The following SIGLEC10 variants were observed in gnomAD, a reference collection of about 807,000 sequenced individuals.
SIGLEC10 encodes sialic acid-binding Ig-like lectin 10.
In SIGLEC10, 45 loss-of-function variants were observed where a neutral mutation model predicts 68.3. The observed-to-expected ratio is 0.66, with a 90% CI of 0.52 to 0.84. SIGLEC10 has a LOEUF of 0.84. SIGLEC10 is among the 40% of genes least tolerant of loss of function. The pLI, the probability that SIGLEC10 is intolerant of heterozygous loss-of-function variation, is 0.00. For synonymous variants in SIGLEC10, 379 were observed against 370.8 expected (o/e 1.02, Z -0.26); for missense variants, 789 against 883.1 (o/e 0.89, Z 1.35).
intron 10 of SIGLEC10, 21 bp from the exon 11 acceptor site, chr19:51,411,392 CTTCA>C (rs765857372): frequency 1.2e-6 from 2 of 1,611,452 alleles, no homozygotes; most frequent in Non-Finnish European, 1.7e-6. Flanking sequence ...AACCACCATC[CTTCA>C]TTCATTCATT....
intron 6 of SIGLEC10, 31 bp from the exon 7 acceptor site, chr19:51,415,469 A>G (rs764097044): frequency 1.7e-5 from 27 of 1,610,050 alleles, no homozygotes; most frequent in African/African-American, 2.7e-5. Context: ...ATCGATGAGC[A>G]GCTCAGGGCT....
rs564869294 is a variant in SIGLEC10, at chr19:51,414,971, C to G, written c.1468G>C (p.Asp490His). ...EELLEGNSSQ[D>H]SFEVTPSSAG... ...GAGCTGGGGGTGACCTCGAAGGAGT[C>G]CTGGCTGCTGTTCCCCTCCAGCAGC... Residue 490 changes from aspartate to histidine, a missense_variant, in exon 8 of 11, where the codon GAC becomes CAC. Asp to His is a moderately conservative substitution (Grantham distance 81, BLOSUM62 -1). Transcript: ENST00000339313. This position sits in a 1 kb window ranked among gnomAD's most constrained non-coding sequence, Gnocchi z 4.1. The G allele has an allele frequency of 5.3e-5, 86 of 1,613,618 alleles. 1 individual carries two copies. The highest frequency in any genetic ancestry group is 5.2e-4 in the Middle Eastern group (3 of 5,766).
chr19:51,415,086 G>A lies in SIGLEC10; in HGVS notation c.1353C>T (p.Pro451=), dbSNP rs778120949. ...SVHYSPKLLG[P]SCSWEAEGLH... ...GACCCTCAGCCTCCCAGGAGCAGGA[G>A]GGGCCCAGCAGCTTCGGGGAGTCTG... The change falls in exon 8 of 11, where the codon CCC becomes CCT. Residue 451 remains proline, a synonymous_variant. Coordinates refer to ENST00000339313, the MANE Select transcript of SIGLEC10 (RefSeq NM_033130.5). 3 of 1,580,014 alleles carry A rather than the reference G, an allele frequency of 1.9e-6. No individual in the cohort carries two copies. The South Asian group carries it at 3.5e-5, about 18-fold the overall frequency.
In SIGLEC10 at chr19:51,416,039, G is replaced by T. The variant is rs763329502; in HGVS notation, c.883C>A (p.Leu295Ile). The T allele has an allele frequency of 1.9e-6, 3 of 1,613,202 alleles. No homozygotes were observed. Among genetic ancestry groups the T allele is most frequent in the Non-Finnish European group, 2.5e-6 (3 of 1,179,916 alleles). The change falls in exon 5 of 11, where the codon CTC becomes ATC. Residue 295 changes from leucine (L) to isoleucine (I), a missense_variant. Physicochemically the swap from Leu to Ile is conservative, Grantham distance 5. Coordinates refer to ENST00000339313, the MANE Select transcript of SIGLEC10 (RefSeq NM_033130.5). The part of the protein sequence containing the change: ...TLSWVLQNRV[L>I]SSSHPWGPRP... ...GGGCCCCAGGGATGGGACGAGGAGA[G>T]GACTCTGTTCTGCAGGACCCAGCTC...
At position 51,414,379 on chromosome 19, in the gene SIGLEC10, T is replaced by G. The variant is rs199797258; in HGVS notation, c.1709+43A>C. On this transcript the variant is annotated intron_variant, in intron 9 of 10. Transcript: ENST00000339313. The surrounding 1 kb of genome is among the most constrained non-coding windows in gnomAD (Gnocchi z 4.1). ...CGGCCTGCAACACCTCCCCTCTTCC[T>G]GGGTCCAGGCCCCAGACCCCGCCAC... is the stretch of plus-strand genomic sequence containing the variant. 3 of 1,549,556 alleles carry G rather than the reference T, an allele frequency of 1.9e-6. No homozygotes were observed. Among genetic ancestry groups the G allele is most frequent in the Non-Finnish European group, 2.7e-6 (3 of 1,129,850 alleles).
At chr19:51,415,518 G>A (rs1327026557) in intron 6 of SIGLEC10, 50 bp downstream of exon 6, 1 of 1,614,048 alleles carries the variant, frequency 6.2e-7, no homozygotes, top group Non-Finnish European at 8.5e-7. Flanking sequence ...AGACTCCTGG[G>A]CCCCCAATTC....
rs757792226 is a variant in SIGLEC10, at chr19:51,416,745, G to A, written c.627C>T (p.His209=). 1.9e-6 allele frequency: 3 copies of A among 1,614,224 alleles called. No individual in the cohort carries two copies. The highest frequency in any genetic ancestry group is 2.5e-6 in the Non-Finnish European group (3 of 1,180,036). Residue 209 remains histidine, a synonymous_variant, in exon 3 of 11, where the codon CAC becomes CAT. Coordinates refer to ENST00000339313, the MANE Select transcript of SIGLEC10 (RefSeq NM_033130.5). The part of the protein sequence containing the change: ...VLSFTPRPQD[H]NTDLTCHVDF... The stretch of plus-strand genomic sequence containing the variant: ...CCACATGGCAGGTGAGGTCGGTGTT[G>A]TGGTCCTGGGGTCTGGGCGTGAAGC...
intron 6 of SIGLEC10, 64 bp downstream of exon 6, chr19:51,415,504 C>T: frequency 6.2e-7 from 1 of 1,614,084 alleles, no homozygotes; most frequent in South Asian, 1.1e-5. Context: ...CGTGGGGACC[C>T]TCCAGACTCC....
intron 10 of SIGLEC10, 57 bp from the exon 11 acceptor site, chr19:51,411,428 C>A (rs554195863): frequency 1.3e-6 from 2 of 1,596,028 alleles, no homozygotes; most frequent in Admixed American, 3.4e-5. Flanking sequence ...TGAGCACTTA[C>A]CACGCGTCGG....
At position 51,415,234 on chromosome 19, in the gene SIGLEC10, T is replaced by G; in HGVS notation, c.1277A>C (p.His426Pro). ...CTGGGAGCCCAGTGGGTGCCGAGCG[T>G]GGCAGGTGAACTCTCCTTCGTGCTC... Reference protein sequence around the residue: ...QVEHEGEFTCHARHPLGSQHV... With the variant: ...QVEHEGEFTCPARHPLGSQHV... Residue 426 changes from histidine (H) to proline (P), a missense_variant, in exon 7 of 11, where the codon CAC becomes CCC. Physicochemically the swap from His to Pro is moderately conservative, Grantham distance 77. Coordinates refer to ENST00000339313, the MANE Select transcript of SIGLEC10 (RefSeq NM_033130.5). 1.2e-6 allele frequency: 2 copies of G among 1,613,818 alleles called. No individual in the cohort carries two copies. The highest frequency in any genetic ancestry group is 1.7e-6 in the Non-Finnish European group (2 of 1,179,836).
At position 51,414,858 on chromosome 19, in the gene SIGLEC10, A is replaced by G. The variant is rs3810099; in HGVS notation, c.1581T>C (p.His527=). 275,339 of 1,613,726 alleles carry G rather than the reference A, an allele frequency of 0.17. 25,578 individuals carry two copies. Among genetic ancestry groups the G allele is most frequent in the African/African-American group, 0.36 (26,884 of 74,932 alleles). The part of the protein sequence containing the change: ...LRLRCEAWNV[H]GAQSGSILQL... Reference sequence around the variant, plus strand: ...GCAGGATGGATCCACTCTGGGCCCCATGGACGTTCCAGGCCTCACAGCGGA... The same window carrying G: ...GCAGGATGGATCCACTCTGGGCCCCGTGGACGTTCCAGGCCTCACAGCGGA... Residue 527 remains histidine (H), a synonymous_variant, in exon 8 of 11, where the codon CAT becomes CAC. Transcript: ENST00000339313. This position sits in a 1 kb window ranked among gnomAD's most constrained non-coding sequence, Gnocchi z 4.1.
Position 51,414,308 on chromosome 19 carries a change from T to C in SIGLEC10, c.1709+114A>G. The C allele has an allele frequency of 1.2e-6, 1 of 816,384 alleles. No individual in the cohort carries two copies. The highest frequency in any genetic ancestry group is 2.3e-5 in the Admixed American group (1 of 42,620). The allele number at this position is 816,384 out of a possible 1,614,324, so 50.6% of individuals were successfully genotyped here. On this transcript the variant is annotated intron_variant, in intron 9 of 10. Transcript: ENST00000339313. This position sits in a 1 kb window ranked among gnomAD's most constrained non-coding sequence, Gnocchi z 4.1. ...ATGAGAACAGTTTGCTGTTTACTCA[T>C]GTAACCTCCAGAGGTATACTGCGTT...
rs760146521 is a variant in SIGLEC10 at position 51,416,829 on chromosome 19, C to T, written c.543G>A (p.Thr181=). The change falls in exon 3 of 11, where the codon ACG becomes ACA. Residue 181 remains threonine, a synonymous_variant. Transcript: ENST00000339313. The part of the protein sequence containing the change: ...EECPPPSFSW[T]GAALSSQGTK... ...TTCCTTGGGAGGAGAGGGCAGCCCC[C>T]GTCCAGGAGAAAGAAGGGGGTGGAC... The T allele has an allele frequency of 1.7e-5, 28 of 1,614,018 alleles. No homozygotes were observed. The highest frequency in any genetic ancestry group is 1.9e-5 in the Non-Finnish European group (23 of 1,180,042).
rs190268370 is a variant in SIGLEC10 at position 51,410,628 on chromosome 19, G to A, written c.*471C>T. ...CCACCTTAGCCTCCCAAAGTGCTGG[G>A]ATTACAGACACCCAACCCATTTGGA... On this transcript the variant is annotated 3_prime_UTR_variant, in exon 11 of 11. Transcript: ENST00000339313. 1.3e-3 allele frequency: 202 copies of A among 157,008 alleles called. 1 individual carries two copies. Among genetic ancestry groups the A allele is most frequent in the African/African-American group, 4.7e-3 (194 of 41,482 alleles). The allele number at this position is 157,008 out of a possible 1,614,324, so 9.7% of individuals were successfully genotyped here. A position where few individuals can be genotyped will look rare whatever the true frequency, so the allele number is the denominator to read the frequency against.
chr19:51,416,197 G>A, intron 4 of SIGLEC10, 30 bp from the exon 5 acceptor site: 2 of 1,604,556 alleles, frequency 1.2e-6, no homozygotes, highest in South Asian at 1.1e-5. Context: ...AAAAAAGAGA[G>A]AAAGGGAGGG....
In SIGLEC10 at chr19:51,411,215, C is replaced by G. The variant is rs550407848; in HGVS notation, c.1978G>C (p.Glu660Gln). Residue 660 changes from glutamate to glutamine, a missense_variant, in exon 11 of 11, where the codon GAG (glutamate) becomes CAG (glutamine). Glu to Gln is a conservative substitution (Grantham distance 29). Transcript: ENST00000339313. ...GCATAATGGAGCTCCTCTTGGCTCT[C>G]CTGGGATTCTGGGGCTTGAGTGGAT... The part of the protein sequence containing the change: ...KSSTQAPESQ[E>Q]SQEELHYATL... 2.4e-5 allele frequency: 38 copies of G among 1,614,124 alleles called. No homozygotes were observed. The South Asian group carries it at 3.4e-4, about 14-fold the overall frequency.
chr19:51,415,951 C>T lies in SIGLEC10; in HGVS notation c.971G>A (p.Arg324Gln), dbSNP rs148851651. The T allele has an allele frequency of 3.6e-5, 58 of 1,613,454 alleles. No individual in the cohort carries two copies. The highest frequency in any genetic ancestry group is 4.2e-5 in the Non-Finnish European group (49 of 1,180,010). ...KAGDSGRYTC[R>Q]AENRLGSQQR... is the part of the protein sequence containing the mutation. ...CTGGGAGCCAAGCCTGTTCTCCGCT[C>T]GGCAGGTGTAGCGCCCTGAATCCCC... The change falls in exon 5 of 11, where the codon CGA becomes CAA. Residue 324 changes from arginine to glutamine, a missense_variant. By Grantham distance (43) the Arg-to-Gln change is conservative. Coordinates refer to ENST00000339313, the MANE Select transcript of SIGLEC10 (RefSeq NM_033130.5).
In SIGLEC10 at chr19:51,417,619, C is replaced by T; in HGVS notation, c.-38G>A. On this transcript the variant is annotated 5_prime_UTR_variant, in exon 1 of 11. Coordinates refer to ENST00000339313, the MANE Select transcript of SIGLEC10 (RefSeq NM_033130.5). ...GGCGCAGGGCCTGCCTGAGACAGGCCTGTTCTCTGGTCGTGCTGTGAGTGG... is the reference window on the plus strand; with the variant it reads ...GGCGCAGGGCCTGCCTGAGACAGGCTTGTTCTCTGGTCGTGCTGTGAGTGG... The T allele has an allele frequency of 6.2e-7, 1 of 1,613,470 alleles. No homozygotes were observed. The highest frequency in any genetic ancestry group is 8.5e-7 in the Non-Finnish European group (1 of 1,179,614).
rs1299000079 is a variant in SIGLEC10 at position 51,415,387 on chromosome 19, C to G, written c.1124G>C (p.Ser375Thr). 6.2e-7 allele frequency: 1 copy of G among 1,610,714 alleles called. No homozygotes were observed. Among genetic ancestry groups the G allele is most frequent in the African/African-American group, 1.3e-5 (1 of 74,820 alleles). Residue 375 changes from serine (S) to threonine (T), a missense_variant, in exon 7 of 11, where the codon AGC (serine) becomes ACC (threonine). Physicochemically the swap from Ser to Thr is moderately conservative, Grantham distance 58. Coordinates refer to ENST00000339313, the MANE Select transcript of SIGLEC10 (RefSeq NM_033130.5). ...GTGTGTGACACAGACCAGGCACAGG[C>G]TTTGGCCCTCCAGTACTGGGAGAGA... Reference protein sequence around the residue: ...GTSLPVLEGQSLCLVCVTHSS... With the variant: ...GTSLPVLEGQTLCLVCVTHSS...
Sources: allele counts gnomAD v4.1 joint callset, GRCh38; gene constraint gnomAD v4.1.1; non-coding constraint Gnocchi (gnomAD v3.1); transcripts MANE v1.5; gene names NCBI Gene and HGNC (gene_info 2026-07-23, HGNC 2026-07-21).